SENP7: variants seen among roughly 807,000 people sequenced by gnomAD.
The protein encoded by SENP7 is SUMO specific peptidase 7, also known as sentrin-specific protease 7.
A neutral mutation model predicts 141.2 loss-of-function variants in SENP7; 64 were observed. The observed-to-expected ratio is 0.45, with a 90% CI of 0.37 to 0.56. The LOEUF is 0.56. Ranked by LOEUF, SENP7 falls within the 20% of genes least tolerant of loss-of-function variation. SENP7 has a pLI of 0.00. For synonymous variants in SENP7, 382 were observed against 426.4 expected (o/e 0.90, Z 1.28); for missense variants, 1,025 against 1,212.2 (o/e 0.85, Z 2.29).
chr3:101,474,961 C>T (rs2064157172), intron 3 of SENP7, among the ~76,000 whole-genome samples: 1 of 152,190 alleles, frequency 6.6e-6, no homozygotes. Context: ...CAACAGAATG[C>T]TGCCTACAAG....
intron 3 of SENP7, among the ~76,000 whole-genome samples, chr3:101,491,354 C>A (rs1386824562): frequency 1.1e-5 from 1 of 87,922 alleles, no homozygotes; most frequent in African/African-American, 3.6e-5. Context: ...AAATCCTGGG[C>A]TCAAGAGATC....
chr3:101,478,516 C>A (rs1298134401), intron 3 of SENP7, among the ~76,000 whole-genome samples: 1 of 152,026 alleles, frequency 6.6e-6, no homozygotes, highest in Non-Finnish European at 1.5e-5. Context: ...CAGAGCAAGA[C>A]CCTGTCACTA....
In SENP7 at chr3:101,328,361, T is replaced by G. The variant is rs1343236607; in HGVS notation, c.2864+117A>C. On this transcript the variant is annotated intron_variant, in intron 22 of 23. Transcript: ENST00000394095. Reference sequence around the variant, plus strand: ...TTATTGATTAAATTTATAGGATTGTTGAAATAGATAATAAAATATAATTCC... The same window carrying G: ...TTATTGATTAAATTTATAGGATTGTGGAAATAGATAATAAAATATAATTCC... 7.7e-6 allele frequency: 5 copies of G among 650,122 alleles called. No homozygotes were observed. In the East Asian group the frequency reaches 1.4e-4, roughly 18 times the overall value. 40.3% of individuals were successfully genotyped at this position (650,122 alleles called of 1,614,324 possible). A position where few individuals can be genotyped will look rare whatever the true frequency, so the allele number is the denominator to read the frequency against.
chr3:101,487,299 A>G (rs1246945858), intron 3 of SENP7, among the ~76,000 whole-genome samples: 3 of 152,128 alleles, frequency 2.0e-5, no homozygotes, highest in Admixed American at 6.5e-5. Flanking sequence ...ATGTAAAAAC[A>G]TATATTATTT....
At chr3:101,464,340 T>C (rs4683846) in intron 3 of SENP7, among the ~76,000 whole-genome samples, 60,323 of 151,996 alleles carry the variant, frequency 0.4, 12,489 homozygotes, top group Admixed American at 0.54. Flanking sequence ...TATTGGTCCA[T>C]GGCCTGTTAG....
intron 4 of SENP7, among the ~76,000 whole-genome samples, chr3:101,446,055 G>C (rs552446619): frequency 6.6e-4 from 101 of 152,230 alleles, no homozygotes; most frequent in African/African-American, 2.3e-3. Context: ...TGGTTCGTGG[G>C]GGAGAATGTC....
Position 101,341,794 on chromosome 3 carries a change from C to A in SENP7, c.2107-15G>T. ...GTGTTTGAGGGCTGACAGAAAGTGGCAAGAAAAAGGGTCTCAAACATCATA... is the reference window on the plus strand; with the variant it reads ...GTGTTTGAGGGCTGACAGAAAGTGGAAAGAAAAAGGGTCTCAAACATCATA... On this transcript the variant is annotated splice_polypyrimidine_tract_variant and intron_variant, in intron 14 of 23. Transcript: ENST00000394095. The A allele has an allele frequency of 1.9e-6, 3 of 1,563,074 alleles. No homozygotes were observed. Among genetic ancestry groups the A allele is most frequent in the Non-Finnish European group, 1.7e-6 (2 of 1,144,938 alleles).
At chr3:101,414,494 C>T in intron 5 of SENP7, 8 of 1,538,380 alleles carry the variant, frequency 5.2e-6, no homozygotes, top group South Asian at 1.1e-5. Context: ...GCCAAAGATT[C>T]AATAGCTGCT....
chr3:101,504,877 A>G (rs7374860), intron 1 of SENP7, among the ~76,000 whole-genome samples: 81,467 of 151,710 alleles, frequency 0.54, 22,257 homozygotes, highest in Admixed American at 0.62. Flanking sequence ...TGAATTAGCT[A>G]GGTACAGTGA....
At chr3:101,446,348 T>A (rs965811352) in intron 4 of SENP7, among the ~76,000 whole-genome samples, 1 of 152,184 alleles carries the variant, frequency 6.6e-6, no homozygotes, top group Non-Finnish European at 1.5e-5. Context: ...TAATACACTC[T>A]CTTTGAACAC....
At chr3:101,358,382 C>A (rs1705989396) in intron 11 of SENP7, 2 of 502,592 alleles carry the variant, frequency 4.0e-6, no homozygotes, top group Non-Finnish European at 7.5e-6. Context: ...TGTTCCTCAA[C>A]CCTTAATAAG....
rs1553744720 is a variant in SENP7, at chr3:101,463,380, T to TATATATATATATATAC, written c.187-4329_187-4328insGTATATATATATATAT. On this transcript the variant is annotated intron_variant, in intron 3 of 23. Transcript: ENST00000394095. ...AAATAAATAAATATATATATATATA[T>TATATATATATATATAC]ATATATATATATATATACATATATA... Among the ~76,000 whole-genome samples the TATATATATATATATAC allele has an allele frequency of 5.0e-3, 360 of 72,036 alleles. 4 individuals are homozygous for TATATATATATATATAC. Among genetic ancestry groups the TATATATATATATATAC allele is most frequent in the Admixed American group, 0.03 (174 of 5,880 alleles). 47.3% of individuals were successfully genotyped at this position (72,036 alleles called of 152,430 possible). A position where few individuals can be genotyped will look rare whatever the true frequency, so the allele number is the denominator to read the frequency against.
At chr3:101,364,306 A>G (rs540000278) in intron 10 of SENP7, among the ~76,000 whole-genome samples, 10 of 152,280 alleles carry the variant, frequency 6.6e-5, no homozygotes, top group Non-Finnish European at 5.9e-5. Flanking sequence ...ACTCTCTTCA[A>G]AGGACTGAAT....
At chr3:101,506,782 G>A (rs1207669135) in intron 1 of SENP7, among the ~76,000 whole-genome samples, 1 of 152,238 alleles carries the variant, frequency 6.6e-6, no homozygotes. Context: ...GCTGAGCATG[G>A]TGGCTCATGC....
chr3:101,480,696 G>A lies in SENP7; in HGVS notation c.186+13177C>T, dbSNP rs192684486. On this transcript the variant is annotated intron_variant, in intron 3 of 23. Transcript: ENST00000394095. ...AAACAATCAATAGAATGAAGAGACA[G>A]TCTAAAGAATAGGAGAAATATTTGC... Among the ~76,000 whole-genome samples the A allele has an allele frequency of 2.0e-4, 30 of 152,170 alleles. 1 individual carries two copies. In the East Asian group the frequency reaches 4.6e-3, roughly 23 times the overall value.
chr3:101,341,326 A>G (rs914011905), intron 15 of SENP7, among the ~76,000 whole-genome samples: 3 of 152,180 alleles, frequency 2.0e-5, no homozygotes, highest in African/African-American at 4.8e-5. Context: ...TTTCCCTATC[A>G]TATGTTCAGA....
Position 101,343,855 on chromosome 3 carries a change from C to T in SENP7, c.1937G>A (p.Ser646Asn). The T allele has an allele frequency of 6.2e-7, 1 of 1,613,694 alleles. No homozygotes were observed. The highest frequency in any genetic ancestry group is 8.5e-7 in the Non-Finnish European group (1 of 1,179,732). ...KDIMTEISII[S>N]GELELSYPLS... ...CGGGTAAGAAAGCTCTAATTCTCCACTGATTATACTTATTTCCGTCATAAT... is the reference window on the plus strand; with the variant it reads ...CGGGTAAGAAAGCTCTAATTCTCCATTGATTATACTTATTTCCGTCATAAT... The change falls in exon 14 of 24, where the codon AGT becomes AAT. Residue 646 changes from serine to asparagine, a missense_variant. Around this residue, in one of 4 missense-constraint regions of SENP7, gnomAD observed 228 missense variants for 228.5 expected, o/e 1.00. Transcript: ENST00000394095.
intron 3 of SENP7, among the ~76,000 whole-genome samples, chr3:101,488,611 G>A (rs1434950353): frequency 2.0e-5 from 3 of 152,210 alleles, no homozygotes; most frequent in Admixed American, 6.5e-5. Flanking sequence ...GGAGGCCGAG[G>A]CAGCTGGATT....
At chr3:101,437,129 A>G (rs1246172631) in intron 4 of SENP7, among the ~76,000 whole-genome samples, 1 of 152,240 alleles carries the variant, frequency 6.6e-6, no homozygotes, top group African/African-American at 2.4e-5. Flanking sequence ...AGAAAGACAA[A>G]CATCACATGT....
Sources: gnomAD v4.1 joint callset for allele counts (sites outside exome capture counted in the v4.1 genomes callset) on GRCh38, gnomAD v4.1.1 for gene constraint, gnomAD v4.1.1 regional missense constraint, MANE v1.5 for transcripts, NCBI Gene and HGNC (gene_info 2026-07-23, HGNC 2026-07-21) for gene names.